Variants in METTL9 observed in about 807,000 individuals in gnomAD.
METTL9 encodes the protein methyltransferase 9, His-X-His N1(pi)-histidine.
In METTL9, 10 loss-of-function variants were observed where a neutral mutation model predicts 36.0. That is an observed-to-expected ratio of 0.28 (90% CI 0.17 to 0.47). The LOEUF is 0.47. Ranked by LOEUF, METTL9 falls within the 20% of genes least tolerant of loss-of-function variation. The pLI is 0.99. For missense variants in METTL9, 246 were observed against 383.5 expected (o/e 0.64, Z 3.00); for synonymous variants, 175 against 149.7 (o/e 1.17, Z -1.23).
At chr16:21,639,713 G>A (rs998027814) in intron 4 of METTL9, 1 of 152,080 alleles carries the variant, frequency 6.6e-6, no homozygotes, top group Non-Finnish European at 1.5e-5. Context: ...GTGCACTCAC[G>A]TGTACACACA....
At chr16:21,647,082 A>C in intron 4 of METTL9, 1 of 1,612,500 alleles carries the variant, frequency 6.2e-7, no homozygotes, top group South Asian at 1.1e-5. Flanking sequence ...ATGATTTTAC[A>C]GGCCTGAACA....
At chr16:21,618,199 T>C (rs1055507570) in intron 3 of METTL9, 125 bp downstream of exon 3, 8 of 790,484 alleles carry the variant, frequency 1.0e-5, no homozygotes, top group South Asian at 8.7e-5. Flanking sequence ...TAACTGGAAA[T>C]GTAGAGAAAT....
At chr16:21,636,281 A>G (rs946684930) in intron 4 of METTL9, among the ~76,000 whole-genome samples, 1 of 152,154 alleles carries the variant, frequency 6.6e-6, no homozygotes, top group Non-Finnish European at 1.5e-5. Context: ...AGGGATCCTA[A>G]AATTCCAGAG....
chr16:21,604,316 CTT>C (rs1457346701), intron 1 of METTL9, among the ~76,000 whole-genome samples: 6 of 152,172 alleles, frequency 3.9e-5, no homozygotes, highest in Non-Finnish European at 8.8e-5. Flanking sequence ...TACCAGGAGT[CTT>C]TATGTTTCTC....
chr16:21,647,635 A>C, intron 4 of METTL9: 1 of 1,094,950 alleles, frequency 9.1e-7, no homozygotes, highest in Non-Finnish European at 1.3e-6. Context: ...AATAAACACC[A>C]GTGGTCCTCA....
At chr16:21,612,036 A>G (rs1036682419) in intron 1 of METTL9, 3 of 152,198 alleles carry the variant, frequency 2.0e-5, no homozygotes, top group African/African-American at 7.2e-5. Flanking sequence ...TAAGAATGTC[A>G]TATGACCTAT....
chr16:21,641,704 TC>T, intron 4 of METTL9: 1 of 546,704 alleles, frequency 1.8e-6, no homozygotes, highest in Non-Finnish European at 3.2e-6. Flanking sequence ...GTCCTAAGTG[TC>T]CATATGGTAA....
chr16:21,637,737 G>C (rs1966140607), intron 4 of METTL9, among the ~76,000 whole-genome samples: 1 of 152,246 alleles, frequency 6.6e-6, no homozygotes, highest in Admixed American at 6.5e-5. Context: ...TCCTGCCCGT[G>C]CCTCTCCCTC....
intron 4 of METTL9, among the ~76,000 whole-genome samples, chr16:21,625,970 T>C (rs1454178119): frequency 6.6e-6 from 1 of 152,186 alleles, no homozygotes; most frequent in Non-Finnish European, 1.5e-5. Flanking sequence ...CGATCTTGGC[T>C]CACTGCAACC....
chr16:21,627,264 T>C, intron 4 of METTL9: 1 of 985,414 alleles, frequency 1.0e-6, no homozygotes, highest in African/African-American at 1.7e-5. Context: ...TTGGAGGATA[T>C]CTGAGTGTGC....
rs113376697 is a variant in METTL9 at position 21,639,925 on chromosome 16, T to TTTTATTTATTTATTTATTTATTTA, written c.751+14818_751+14841dup. 3 of 151,252 alleles carry TTTTATTTATTTATTTATTTATTTA rather than the reference T, an allele frequency of 2.0e-5. No individual in the cohort carries two copies. The East Asian group carries it at 5.9e-4, about 30-fold the overall frequency. The allele number at this position is 151,252 out of a possible 1,614,324, so 9.4% of individuals were successfully genotyped here. A position where few individuals can be genotyped will look rare whatever the true frequency, so the allele number is the denominator to read the frequency against. On this transcript the variant is annotated intron_variant, in intron 4 of 4. Transcript: ENST00000358154. ...ATACCAGTTTAAAAGAAACACTTTA[T>TTTTATTTATTTATTTATTTATTTA]TTTATTTATTTATTTATTTATTTAT... is the stretch of plus-strand genomic sequence containing the variant.
intron 4 of METTL9, among the ~76,000 whole-genome samples, chr16:21,642,635 A>G (rs1966302078): frequency 6.6e-6 from 1 of 152,204 alleles, no homozygotes; most frequent in Non-Finnish European, 1.5e-5. Context: ...GTTTTTTAAT[A>G]TCATTAGCTG....
intron 1 of METTL9, among the ~76,000 whole-genome samples, chr16:21,603,497 A>C (rs1965192121): frequency 6.6e-6 from 1 of 152,204 alleles, no homozygotes; most frequent in Admixed American, 6.5e-5. Flanking sequence ...CACTGGGAAG[A>C]AATAGAGGCA....
At chr16:21,601,304 C>G (rs1304647094) in intron 1 of METTL9, among the ~76,000 whole-genome samples, 1 of 152,036 alleles carries the variant, frequency 6.6e-6, no homozygotes, top group Non-Finnish European at 1.5e-5. Context: ...TGTACAGTTA[C>G]CAGAATGTCA....
rs1876042223 is a variant in METTL9, at chr16:21,657,164, T to C, written c.*1732T>C. On this transcript the variant is annotated 3_prime_UTR_variant, in exon 5 of 5. Transcript: ENST00000358154. ...GAACTTTATGCTCTAATAAGAAAAA[T>C]ACAACTCATTCTTAACCACCCCCCC... 6.6e-6 allele frequency: 1 copy of C among 151,990 alleles called. No individual in the cohort carries two copies. The allele number at this position is 151,990 out of a possible 1,614,324, so 9.4% of individuals were successfully genotyped here.
At chr16:21,599,351 T>C (rs1488343138), upstream of METTL9, 1 of 988,150 alleles carries the variant, frequency 1.0e-6, no homozygotes, top group African/African-American at 1.7e-5. The surrounding 1 kb of genome is among the most constrained non-coding windows in gnomAD (Gnocchi z 4.4). Context: ...CTCCGCCATT[T>C]ACTAGAGGCC....
At chr16:21,612,501 T>A in intron 1 of METTL9, 144 bp from the exon 2 acceptor site, 1 of 727,588 alleles carries the variant, frequency 1.4e-6, no homozygotes, top group Non-Finnish European at 2.0e-6. Context: ...GTATACGAAA[T>A]GATTATTCTC....
In METTL9 at chr16:21,599,730, C is replaced by G. The variant is rs1888790744; in HGVS notation, c.-4C>G. 2.0e-6 allele frequency: 3 copies of G among 1,506,446 alleles called. No homozygotes were observed. The highest frequency in any genetic ancestry group is 2.5e-5 in the South Asian group (2 of 80,428). 93.3% of individuals were successfully genotyped at this position (1,506,446 alleles called of 1,614,324 possible). A position where few individuals can be genotyped will look rare whatever the true frequency, so the allele number is the denominator to read the frequency against. Reference sequence around the variant, plus strand: ...GTGATCCGAGCGAGCGGCCGCGGCCCCCGATGAGACTGCTGGCGGGCTGGC... The same window carrying G: ...GTGATCCGAGCGAGCGGCCGCGGCCGCCGATGAGACTGCTGGCGGGCTGGC... On this transcript the variant is annotated 5_prime_UTR_variant, in exon 1 of 5. Transcript: ENST00000358154. The surrounding 1 kb of genome is among the most constrained non-coding windows in gnomAD (Gnocchi z 4.4).
rs1208595858 is a variant in METTL9 at position 21,652,578 on chromosome 16, G to A, written c.752-2649G>A. 4 of 1,610,566 alleles carry A rather than the reference G, an allele frequency of 2.5e-6. No individual in the cohort carries two copies. The East Asian group carries it at 8.9e-5, about 36-fold the overall frequency. On this transcript the variant is annotated intron_variant, in intron 4 of 4. Coordinates refer to ENST00000358154, the MANE Select transcript of METTL9 (RefSeq NM_016025.5). ...TGGTTTGCAGATGGCGAGCGATGTT[G>A]CTTCTGCTCGCAGTCCCCATTTCTG...
Sources: allele counts gnomAD v4.1 joint callset (sites outside exome capture counted in the v4.1 genomes callset), GRCh38; gene constraint gnomAD v4.1.1; non-coding constraint Gnocchi (gnomAD v3.1); transcripts MANE v1.5; gene names NCBI Gene and HGNC (gene_info 2026-07-23, HGNC 2026-07-21).